The following ORC3 variants were observed in gnomAD, a reference collection of about 807,000 sequenced individuals.
ORC3 encodes the protein homolog of latheo, Drosophila.
Under a neutral mutation model 100.7 loss-of-function variants are expected in ORC3, and 78 were observed. The ratio of observed to expected loss-of-function variants is 0.77; its 90% CI spans 0.65 to 0.94. The LOEUF is 0.94. ORC3 is among the 40% of genes least tolerant of loss of function. ORC3 has a pLI of 0.00. For missense variants in ORC3, 789 were observed against 823.9 expected (o/e 0.96, Z 0.52); for synonymous variants, 295 against 289.3 (o/e 1.02, Z -0.20).
At chr6:87,644,154 G>A (rs1439229896) in intron 13 of ORC3, among the ~76,000 whole-genome samples, 5 of 136,972 alleles carry the variant, frequency 3.7e-5, no homozygotes, top group Admixed American at 2.3e-4. Context: ...GTGCAGTGGC[G>A]GGATCTCGGC....
chr6:87,671,344 G>A (rs541189870), downstream of ORC3, among the ~76,000 whole-genome samples: 1 of 152,144 alleles, frequency 6.6e-6, no homozygotes, highest in Admixed American at 6.5e-5. Flanking sequence ...GATGAAGGAT[G>A]TGAGGAGTGC....
chr6:87,615,149 G>C (rs1055022435), intron 8 of ORC3, among the ~76,000 whole-genome samples: 2 of 152,168 alleles, frequency 1.3e-5, no homozygotes, highest in African/African-American at 4.8e-5. Context: ...TTACATGGCT[G>C]GTAGCAGGCA....
At chr6:87,670,653 CCTTA>C (rs1198644542), downstream of ORC3, among the ~76,000 whole-genome samples, 1 of 152,150 alleles carries the variant, frequency 6.6e-6, no homozygotes, top group Non-Finnish European at 1.5e-5. Flanking sequence ...AAGTATTCTG[CCTTA>C]CTAAATCTTT....
intron 13 of ORC3, among the ~76,000 whole-genome samples, chr6:87,645,347 A>G (rs55759644): frequency 0.058 from 8,828 of 152,238 alleles, 311 homozygotes; most frequent in African/African-American, 0.099. Context: ...AGGGGCACCT[A>G]ATATGAAATA....
At chr6:87,653,055 A>G (rs1769399234) in intron 13 of ORC3, 61 bp from the exon 14 acceptor site, 3 of 1,308,858 alleles carry the variant, frequency 2.3e-6, no homozygotes, top group Non-Finnish European at 3.2e-6. Context: ...ATTAAATAAA[A>G]TGTTTTTTAA....
chr6:87,662,529 T>C (rs1287367793), intron 16 of ORC3, among the ~76,000 whole-genome samples: 1 of 152,222 alleles, frequency 6.6e-6, no homozygotes. Context: ...CCAAGAAGAA[T>C]TTCCTGAACT....
chr6:87,673,154 ATTTTTTTT>A, the ORC3 span, among the ~76,000 whole-genome samples: 1 of 65,880 alleles, frequency 1.5e-5, no homozygotes, highest in African/African-American at 6.6e-5. Flanking sequence ...AAAAAAAAAA[ATTTTTTTT>A]TTTTTTTTTT....
intron 7 of ORC3, among the ~76,000 whole-genome samples, chr6:87,611,615 C>T (rs1228047667): frequency 6.6e-6 from 1 of 151,926 alleles, no homozygotes; most frequent in Non-Finnish European, 1.5e-5. Context: ...GGTGAAACCC[C>T]ATCTCCACTA....
intron 11 of ORC3, among the ~76,000 whole-genome samples, chr6:87,630,961 T>C (rs768763839): frequency 1.3e-5 from 2 of 151,990 alleles, no homozygotes; most frequent in African/African-American, 2.4e-5. Context: ...GCCTTGACTT[T>C]CTGGGCTCAA....
Position 87,605,992 on chromosome 6 carries a change from T to C in ORC3, c.398T>C (p.Val133Ala). Reference protein sequence around the residue: ...EALQNNVTPYVVSLQAKDCPD... With the variant: ...EALQNNVTPYAVSLQAKDCPD... The stretch of plus-strand genomic sequence containing the variant: ...CTTCAGAATAATGTCACACCATATG[T>C]AGTCTCATTGCAAGCTAAAGATTGT... The change falls in exon 5 of 20, where the codon GTA becomes GCA. Residue 133 changes from valine (V) to alanine (A), a missense_variant. Around this residue, in one of 3 missense-constraint regions of ORC3, gnomAD observed 399 missense variants for 382.0 expected, o/e 1.04. Transcript: ENST00000392844. 1 of 1,598,814 alleles carries C rather than the reference T, an allele frequency of 6.3e-7. No individual in the cohort carries two copies. The highest frequency in any genetic ancestry group is 8.6e-7 in the Non-Finnish European group (1 of 1,168,218).
downstream of ORC3, among the ~76,000 whole-genome samples, chr6:87,667,853 C>T (rs532574340): frequency 1.6e-3 from 240 of 152,128 alleles, no homozygotes; most frequent in Non-Finnish European, 2.5e-3. Context: ...TGCTCGAACC[C>T]GGGAGGCGGA....
downstream of ORC3, among the ~76,000 whole-genome samples, chr6:87,668,915 G>A (rs572823320): frequency 1.8e-4 from 27 of 152,270 alleles, no homozygotes; most frequent in African/African-American, 5.1e-4. Flanking sequence ...CCTGGGAGGC[G>A]GAGGTTGCAG....
chr6:87,599,080 A>G (rs1223653629), intron 2 of ORC3, among the ~76,000 whole-genome samples: 1 of 152,142 alleles, frequency 6.6e-6, no homozygotes, highest in Non-Finnish European at 1.5e-5. Flanking sequence ...CAACAGTGAG[A>G]GCTTATATTC....
At chr6:87,615,078 A>G (rs1293572882) in intron 8 of ORC3, among the ~76,000 whole-genome samples, 1 of 152,228 alleles carries the variant, frequency 6.6e-6, no homozygotes, top group African/African-American at 2.4e-5. Context: ...TAATGGACTC[A>G]GTTCCACATG....
At position 87,665,908 on chromosome 6, in the gene ORC3, CTAGA is replaced by C; in HGVS notation, c.2030+78_2030+81del. ...AGTTTATAATTTCTCCAGGTCTACA[CTAGA>C]TATTTATAAAGGCGTACTCCAAACA... On this transcript the variant is annotated intron_variant, in intron 19 of 19. Transcript: ENST00000392844. The C allele has an allele frequency of 3.5e-6, 3 of 866,246 alleles. No individual in the cohort carries two copies. In the South Asian group the frequency reaches 4.5e-5, roughly 13 times the overall value. 53.7% of individuals were successfully genotyped at this position (866,246 alleles called of 1,614,324 possible).
intron 17 of ORC3, 151 bp downstream of exon 17, chr6:87,663,295 C>T: frequency 1.7e-6 from 1 of 574,788 alleles, no homozygotes; most frequent in Non-Finnish European, 2.9e-6. Context: ...ATTCTTTAGA[C>T]TGTAGAAAAA....
At chr6:87,602,912 T>TGTG (rs55851353) in intron 3 of ORC3, among the ~76,000 whole-genome samples, 1 of 36,242 alleles carries the variant, frequency 2.8e-5, no homozygotes, top group Non-Finnish European at 4.9e-5. Context: ...ATATTATATA[T>TGTG]TATATATATA....
At chr6:87,604,804 C>G (rs1307689522) in intron 4 of ORC3, among the ~76,000 whole-genome samples, 1 of 151,810 alleles carries the variant, frequency 6.6e-6, no homozygotes, top group Non-Finnish European at 1.5e-5. Flanking sequence ...TTTCAATATC[C>G]ATTTAAAAAA....
chr6:87,666,181 G>GAGTGC (rs1271966835), intron 19 of ORC3, among the ~76,000 whole-genome samples: 1 of 152,190 alleles, frequency 6.6e-6, no homozygotes, highest in Non-Finnish European at 1.5e-5. Flanking sequence ...GCCCAAGCTG[G>GAGTGC]AGTGCAGTAG....
Sources: gnomAD v4.1 joint callset for allele counts (sites outside exome capture counted in the v4.1 genomes callset) on GRCh38, gnomAD v4.1.1 for gene constraint, gnomAD v4.1.1 regional missense constraint, MANE v1.5 for transcripts, NCBI Gene and HGNC (gene_info 2026-07-23, HGNC 2026-07-21) for gene names.